Variants in RCL1 observed in about 807,000 individuals in gnomAD.
The protein encoded by RCL1 is RNA 3'-terminal phosphate cyclase-like protein.
RCL1 carries 24 observed loss-of-function variants against 42.4 expected under a neutral mutation model. That is an observed-to-expected ratio of 0.57 (90% confidence interval 0.41 to 0.80). The LOEUF (loss-of-function observed/expected upper bound fraction) is 0.80, where lower values mean the gene tolerates loss of function less well. Among genes scored for constraint, RCL1 ranks in the 30% least tolerant of loss-of-function variants. The pLI, the probability that RCL1 is intolerant of heterozygous loss-of-function variation, is 0.00. For synonymous variants in RCL1, 228 were observed against 177.3 expected, an observed-to-expected ratio of 1.29 and a Z score of -2.27; for missense variants, 578 against 467.9, an observed-to-expected ratio of 1.24 and a Z score of -2.17.
At chr9:4,839,880 C>T in intron 5 of RCL1, 1 of 985,516 alleles carries the variant, frequency 1.0e-6, no homozygotes, top group Non-Finnish European at 1.2e-6. Flanking sequence ...GTGGAGCTAA[C>T]ACTTGGGTGC....
chr9:4,814,794 C>T (rs1486507099), intron 1 of RCL1, among the ~76,000 whole-genome samples: 1 of 151,880 alleles, frequency 6.6e-6, no homozygotes, highest in Non-Finnish European at 1.5e-5. Context: ...TTGAGCATTT[C>T]TTGTAAGGCC....
chr9:4,835,928 C>A (rs1458342476), intron 5 of RCL1, among the ~76,000 whole-genome samples: 1 of 152,100 alleles, frequency 6.6e-6, no homozygotes, highest in East Asian at 1.9e-4. Flanking sequence ...TTCAAGGCCA[C>A]AGGCATACGG....
intron 1 of RCL1, among the ~76,000 whole-genome samples, chr9:4,794,890 A>G (rs532358911): frequency 6.6e-6 from 1 of 152,308 alleles, no homozygotes; most frequent in South Asian, 2.1e-4. Context: ...AAAGGGTGTC[A>G]GACGCTGATA....
At chr9:4,809,381 C>T (rs1206190083) in intron 1 of RCL1, among the ~76,000 whole-genome samples, 4 of 151,902 alleles carry the variant, frequency 2.6e-5, no homozygotes, top group African/African-American at 9.7e-5. Context: ...AAGATCTTGG[C>T]TCACTGCAAC....
intron 3 of RCL1, among the ~76,000 whole-genome samples, chr9:4,827,835 T>G (rs1304938458): frequency 6.6e-6 from 1 of 151,594 alleles, no homozygotes; most frequent in African/African-American, 2.4e-5. Flanking sequence ...CTCCCTCCCT[T>G]GTAGGAAGGG....
At chr9:4,821,545 G>A (rs968883450) in intron 1 of RCL1, among the ~76,000 whole-genome samples, 2 of 152,210 alleles carry the variant, frequency 1.3e-5, no homozygotes, top group Admixed American at 6.5e-5. Flanking sequence ...CAATATCAAG[G>A]TGCTAGTATC....
At chr9:4,849,599 C>A in intron 8 of RCL1, 49 bp downstream of exon 8, 1 of 1,393,944 alleles carries the variant, frequency 7.2e-7, no homozygotes, top group Non-Finnish European at 1.0e-6. Context: ...GTAATTTTCT[C>A]ATTGCCCAAA....
In RCL1 at chr9:4,824,133, A is replaced by G. The variant is rs1391320697; in HGVS notation, c.208+514A>G. Reference sequence around the variant, plus strand: ...AAAGTCCATTTACTTATATTATCACATTAAATTATTTCAGCCAACTCTGTG... The same window carrying G: ...AAAGTCCATTTACTTATATTATCACGTTAAATTATTTCAGCCAACTCTGTG... On this transcript the variant is annotated intron_variant, in intron 2 of 8. Coordinates refer to ENST00000381750, the MANE Select transcript of RCL1 (RefSeq NM_005772.5). 2.6e-5 allele frequency among the ~76,000 whole-genome samples: 4 copies of G among 152,350 alleles called. No individual in the cohort carries two copies. In the East Asian group the frequency reaches 5.8e-4, roughly 22 times the overall value.
At chr9:4,851,641 A>G (rs1224265553) in intron 8 of RCL1, among the ~76,000 whole-genome samples, 3 of 152,198 alleles carry the variant, frequency 2.0e-5, no homozygotes, top group Admixed American at 1.3e-4. Context: ...AGACCAAACT[A>G]ACACATTTAT....
chr9:4,853,572 C>T (rs1398859734), intron 8 of RCL1, among the ~76,000 whole-genome samples: 2 of 152,060 alleles, frequency 1.3e-5, no homozygotes, highest in Non-Finnish European at 2.9e-5. Flanking sequence ...CCACATGCTT[C>T]GGCCTCCCAA....
chr9:4,838,845 T>C (rs1352591159), intron 5 of RCL1, among the ~76,000 whole-genome samples: 1 of 152,228 alleles, frequency 6.6e-6, no homozygotes, highest in Admixed American at 6.5e-5. Context: ...AATAAGAACC[T>C]CTGCTTGGGA....
At chr9:4,799,263 A>G (rs1196871560) in intron 1 of RCL1, among the ~76,000 whole-genome samples, 2 of 151,988 alleles carry the variant, frequency 1.3e-5, no homozygotes, top group Non-Finnish European at 2.9e-5. Flanking sequence ...CAAGAGCCAC[A>G]GTGCCTGGCC....
At chr9:4,813,071 C>T (rs1336740177) in intron 1 of RCL1, among the ~76,000 whole-genome samples, 5 of 152,084 alleles carry the variant, frequency 3.3e-5, no homozygotes, top group Admixed American at 6.5e-5. Flanking sequence ...CTGTGTCTTG[C>T]CTAATTGCTT....
intron 8 of RCL1, among the ~76,000 whole-genome samples, chr9:4,857,428 G>A (rs370020425): frequency 2.7e-5 from 4 of 150,436 alleles, no homozygotes; most frequent in African/African-American, 7.4e-5. Flanking sequence ...GATGTAGCAC[G>A]TATCAGTGCT....
intron 3 of RCL1, among the ~76,000 whole-genome samples, chr9:4,832,020 A>T (rs1260689991): frequency 1.2e-4 from 19 of 152,124 alleles, no homozygotes; most frequent in Admixed American, 1.2e-3. Flanking sequence ...CTGCCAGCTG[A>T]CAGATCCAAG....
intron 1 of RCL1, among the ~76,000 whole-genome samples, chr9:4,809,848 A>T (rs1587699634): frequency 6.6e-6 from 1 of 150,848 alleles, no homozygotes; most frequent in African/African-American, 2.4e-5. Context: ...ATGGAGTCTC[A>T]CTCTGTCACC....
intron 1 of RCL1, among the ~76,000 whole-genome samples, chr9:4,796,143 T>C (rs1842910231): frequency 6.6e-6 from 1 of 152,162 alleles, no homozygotes; most frequent in African/African-American, 2.4e-5. Context: ...TACATGGATA[T>C]ATTGCCTACT....
intron 1 of RCL1, among the ~76,000 whole-genome samples, chr9:4,815,243 G>A (rs138194618): frequency 6.6e-6 from 1 of 152,152 alleles, no homozygotes; most frequent in Non-Finnish European, 1.5e-5. Context: ...TTCATAACAT[G>A]AACATTTGTT....
intron 3 of RCL1, among the ~76,000 whole-genome samples, chr9:4,830,814 T>C (rs1816918470): frequency 6.6e-6 from 1 of 152,190 alleles, no homozygotes; most frequent in Non-Finnish European, 1.5e-5. Context: ...TTAGCATAGA[T>C]TGATTACATT....
Sources: allele counts gnomAD v4.1 joint callset (sites outside exome capture counted in the v4.1 genomes callset), GRCh38; gene constraint gnomAD v4.1.1; transcripts MANE v1.5; gene names NCBI Gene and HGNC (gene_info 2026-07-23, HGNC 2026-07-21).